The following KCNIP4 variants were observed in gnomAD, a reference collection of about 807,000 sequenced individuals.
KCNIP4 encodes the protein Kv channel-interacting protein 4.
A neutral mutation model predicts 34.0 loss-of-function variants in KCNIP4; 12 were observed. The observed-to-expected ratio is 0.35, with a 90% CI of 0.23 to 0.57. The LOEUF (loss-of-function observed/expected upper bound fraction) is 0.57, where lower values mean the gene tolerates loss of function less well. Ranked by LOEUF, KCNIP4 falls within the 20% of genes least tolerant of loss-of-function variation. KCNIP4 has a pLI of 0.83. For synonymous variants in KCNIP4, 124 were observed against 102.2 expected (o/e 1.21, Z -1.29); for missense variants, 238 against 311.7 (o/e 0.76, Z 1.78).
chr4:20,736,494 G>A (rs776282221), intron 5 of KCNIP4, among the ~76,000 whole-genome samples: 19 of 152,046 alleles, frequency 1.2e-4, no homozygotes, highest in East Asian at 3.9e-4. Context: ...GCTGACATAC[G>A]TTGGTTTTCT....
chr4:21,930,158 TA>T (rs1340766629), intron 1 of KCNIP4, among the ~76,000 whole-genome samples: 2 of 152,126 alleles, frequency 1.3e-5, no homozygotes, highest in African/African-American at 2.4e-5. Flanking sequence ...CAATATGTAC[TA>T]AAGCAGCCAT....
At chr4:21,171,821 T>C (rs1042262845) in intron 1 of KCNIP4, among the ~76,000 whole-genome samples, 2 of 152,184 alleles carry the variant, frequency 1.3e-5, no homozygotes, top group Admixed American at 1.3e-4. Context: ...GCTCAGTTCA[T>C]GGTAGCTCTC....
intron 1 of KCNIP4, among the ~76,000 whole-genome samples, chr4:20,934,734 G>T (rs2149607320): frequency 1.3e-5 from 2 of 152,236 alleles, no homozygotes; most frequent in African/African-American, 4.8e-5. Flanking sequence ...TTTATCATAT[G>T]GCTCTAAGTG....
chr4:21,302,128 A>G (rs1203822407), intron 1 of KCNIP4, among the ~76,000 whole-genome samples: 2 of 152,192 alleles, frequency 1.3e-5, no homozygotes, highest in Admixed American at 1.3e-4. Context: ...CAAGAGAGAA[A>G]TTGTTCATAC....
At chr4:21,009,699 C>A (rs971799459) in intron 1 of KCNIP4, among the ~76,000 whole-genome samples, 8 of 152,126 alleles carry the variant, frequency 5.3e-5, no homozygotes, top group South Asian at 2.1e-4. Flanking sequence ...CCTTTATTTC[C>A]AAGTTCCTAG....
At position 20,798,548 on chromosome 4, in the gene KCNIP4, A is replaced by ACACAC. The variant is rs35228196; in HGVS notation, c.289-39659_289-39658insGTGTG. Among the ~76,000 whole-genome samples, 168 of 151,130 alleles carry ACACAC rather than the reference A, an allele frequency of 1.1e-3. 1 individual carries two copies. Among genetic ancestry groups the ACACAC allele is most frequent in the African/African-American group, 3.8e-3 (157 of 41,060 alleles). ...ATACACACACACACACAGACACACAAAAAAGCTATGAATAATCAAGTACTT... is the reference window on the plus strand; with the variant it reads ...ATACACACACACACACAGACACACAACACACAAAAGCTATGAATAATCAAGTACTT... On this transcript the variant is annotated intron_variant, in intron 3 of 8. Coordinates refer to ENST00000382152, the MANE Select transcript of KCNIP4 (RefSeq NM_025221.6).
intron 1 of KCNIP4, among the ~76,000 whole-genome samples, chr4:20,970,152 A>G (rs1734788813): frequency 6.6e-6 from 1 of 152,068 alleles, no homozygotes; most frequent in African/African-American, 2.4e-5. Flanking sequence ...CGTGTTAGCC[A>G]GGATGGTCTC....
At chr4:20,975,932 T>C (rs187337560) in intron 1 of KCNIP4, among the ~76,000 whole-genome samples, 13 of 152,350 alleles carry the variant, frequency 8.5e-5, no homozygotes, top group African/African-American at 2.9e-4. Flanking sequence ...TATTAGAACA[T>C]GGCCACACCT....
chr4:20,905,228 T>G (rs1204241294), intron 1 of KCNIP4, among the ~76,000 whole-genome samples: 2 of 152,160 alleles, frequency 1.3e-5, no homozygotes, highest in Admixed American at 1.3e-4. Context: ...TCTTTTTGTC[T>G]TGTATCGATG....
intron 1 of KCNIP4, among the ~76,000 whole-genome samples, chr4:21,670,495 G>C (rs1004225662): frequency 1.3e-5 from 2 of 151,330 alleles, no homozygotes; most frequent in African/African-American, 4.9e-5. Flanking sequence ...TGAGTGCAGC[G>C]CACCAGCATG....
chr4:20,975,907 G>A (rs760157824), intron 1 of KCNIP4, among the ~76,000 whole-genome samples: 1 of 152,174 alleles, frequency 6.6e-6, no homozygotes, highest in African/African-American at 2.4e-5. Flanking sequence ...GATTCAAAGA[G>A]CATCTACAAT....
At chr4:21,461,176 G>A (rs183896283) in intron 1 of KCNIP4, among the ~76,000 whole-genome samples, 4 of 152,054 alleles carry the variant, frequency 2.6e-5, no homozygotes, top group East Asian at 1.9e-4. Context: ...GAGTTCTCAT[G>A]AGATCTGGCT....
chr4:21,091,093 G>A (rs1448262323), intron 1 of KCNIP4, among the ~76,000 whole-genome samples: 1 of 152,150 alleles, frequency 6.6e-6, no homozygotes, highest in Non-Finnish European at 1.5e-5. Flanking sequence ...TGTGGAATCA[G>A]GGAAGTCACT....
At chr4:20,732,871 A>G (rs1455016558) in intron 6 of KCNIP4, 86 bp from the exon 7 acceptor site, 2 of 806,636 alleles carry the variant, frequency 2.5e-6, no homozygotes, top group African/African-American at 3.5e-5. Flanking sequence ...TTCCTACTCA[A>G]TTTTAAATTT....
At chr4:21,739,190 C>T (rs1716233651) in intron 1 of KCNIP4, among the ~76,000 whole-genome samples, 1 of 152,088 alleles carries the variant, frequency 6.6e-6, no homozygotes, top group Non-Finnish European at 1.5e-5. Flanking sequence ...GTTTTCTAAA[C>T]TGAGGAAAGA....
At chr4:21,735,494 C>T (rs1715922691) in intron 1 of KCNIP4, among the ~76,000 whole-genome samples, 1 of 152,114 alleles carries the variant, frequency 6.6e-6, no homozygotes, top group Non-Finnish European at 1.5e-5. Flanking sequence ...TAATGGAGTG[C>T]TGCTGTGCAC....
At chr4:21,669,020 A>G (rs1171602446) in intron 1 of KCNIP4, among the ~76,000 whole-genome samples, 1 of 152,014 alleles carries the variant, frequency 6.6e-6, no homozygotes, top group Admixed American at 6.6e-5. Flanking sequence ...CCTCCTCCTC[A>G]GCCTACTCAA....
chr4:21,359,334 C>G (rs1718981190), intron 1 of KCNIP4, among the ~76,000 whole-genome samples: 1 of 152,052 alleles, frequency 6.6e-6, no homozygotes, highest in Admixed American at 6.6e-5. Context: ...GACTCTCTAG[C>G]TTGCAGATAG....
At chr4:21,745,534 T>C (rs1432875427) in intron 1 of KCNIP4, among the ~76,000 whole-genome samples, 2 of 152,118 alleles carry the variant, frequency 1.3e-5, no homozygotes, top group African/African-American at 4.8e-5. Flanking sequence ...ACTCTGTAAA[T>C]TTAAAATTCA....
Sources: gnomAD v4.1 joint callset for allele counts (sites outside exome capture counted in the v4.1 genomes callset) on GRCh38, gnomAD v4.1.1 for gene constraint, MANE v1.5 for transcripts, NCBI Gene and HGNC (gene_info 2026-07-23, HGNC 2026-07-21) for gene names.